The following RANGAP1 variants were observed in gnomAD, a reference collection of about 807,000 sequenced individuals.
RANGAP1 encodes the protein ran GTPase-activating protein 1.
A neutral mutation model predicts 63.5 loss-of-function variants in RANGAP1; 38 were observed. That is an observed-to-expected ratio of 0.60 (90% confidence interval 0.46 to 0.78). The LOEUF is 0.78. Among genes scored for constraint, RANGAP1 ranks in the 30% least tolerant of loss-of-function variants. The pLI, the probability that RANGAP1 is intolerant of heterozygous loss-of-function variation, is 0.00. For synonymous variants in RANGAP1, 329 were observed against 310.5 expected (o/e 1.06, Z -0.63); for missense variants, 630 against 740.3 (o/e 0.85, Z 1.73).
Position 41,249,894 on chromosome 22 carries a change from C to T in RANGAP1, c.1484-77G>A, listed in dbSNP as rs574227449. 26 of 1,317,022 alleles carry T rather than the reference C, an allele frequency of 2.0e-5. No individual in the cohort carries two copies. In the African/African-American group the frequency reaches 3.3e-4, roughly 17 times the overall value. The allele number at this position is 1,317,022 out of a possible 1,614,324, so 81.6% of individuals were successfully genotyped here. A position where few individuals can be genotyped will look rare whatever the true frequency, so the allele number is the denominator to read the frequency against. On this transcript the variant is annotated intron_variant, in intron 13 of 15. Transcript: ENST00000356244. ...GCCAAGGCACCCAGGGTTCCCCCAA[C>T]ACCGCGCAGACACAGGCTCGCCTGC... is the stretch of plus-strand genomic sequence containing the variant.
In RANGAP1 at chr22:41,249,395, G is replaced by A; in HGVS notation, c.1629C>T (p.Asn543=). ...GGAAATAGTCCTGCTGCACCATGTG[G>A]TTCAGCGCCATCAGGGGGCCGTACA... ...ANLYGPLMAL[N]HMVQQDYFPK... is the part of the protein sequence containing the mutation. Residue 543 remains asparagine (N), a synonymous_variant, in exon 15 of 16, where the codon AAC becomes AAT. Coordinates refer to ENST00000356244, the MANE Select transcript of RANGAP1 (RefSeq NM_002883.4). 6.2e-7 allele frequency: 1 copy of A among 1,614,144 alleles called. No individual in the cohort carries two copies. Among genetic ancestry groups the A allele is most frequent in the Non-Finnish European group, 8.5e-7 (1 of 1,180,008 alleles).
At chr22:41,258,228 G>T in intron 6 of RANGAP1, 122 bp from the exon 7 acceptor site, 1 of 1,141,362 alleles carries the variant, frequency 8.8e-7, no homozygotes, top group Non-Finnish European at 1.2e-6. Context: ...GCAGGGGCCT[G>T]TCTGTGGGAT....
the RANGAP1 span, among the ~76,000 whole-genome samples, chr22:41,292,155 CA>C: frequency 0.023 from 3,433 of 151,410 alleles, 54 homozygotes; most frequent in South Asian, 0.035. Flanking sequence ...AATATTAAAA[CA>C]TTTTTTTTGA....
At chr22:41,299,384 G>A in the RANGAP1 span, among the ~76,000 whole-genome samples, 5 of 151,784 alleles carry the variant, frequency 3.3e-5, no homozygotes, top group Non-Finnish European at 7.4e-5. Flanking sequence ...CACCCGCCTC[G>A]GCCTCCCAAA....
In RANGAP1 at chr22:41,245,597, A is replaced by T. The variant is rs1037942209; in HGVS notation, c.*1006T>A. On this transcript the variant is annotated 3_prime_UTR_variant, in exon 16 of 16. Transcript: ENST00000356244. ...CCGAGACTATCCCGCTTTCAGTGAG[A>T]GTTTCTGAGTCTCTGAAGCTGCCAC... 1.3e-5 allele frequency: 2 copies of T among 152,022 alleles called. No individual in the cohort carries two copies. The highest frequency in any genetic ancestry group is 6.5e-5 in the Admixed American group (1 of 15,278). The allele number at this position is 152,022 out of a possible 1,614,324, so 9.4% of individuals were successfully genotyped here. A position where few individuals can be genotyped will look rare whatever the true frequency, so the allele number is the denominator to read the frequency against.
intron 5 of RANGAP1, among the ~76,000 whole-genome samples, chr22:41,262,505 G>A (rs1026126721): frequency 6.6e-6 from 1 of 152,224 alleles, no homozygotes; most frequent in African/African-American, 2.4e-5. Context: ...TGAGAGATGA[G>A]TGAATTGGCC....
chr22:41,269,311 G>C (rs2034658433), intron 3 of RANGAP1, among the ~76,000 whole-genome samples: 1 of 152,200 alleles, frequency 6.6e-6, no homozygotes, highest in African/African-American at 2.4e-5. Context: ...GGCCTGGAAG[G>C]TTAGAGGGAG....
rs1232063392 is a variant in RANGAP1, at chr22:41,254,398, C to T, written c.1170G>A (p.Glu390=). Residue 390 remains glutamate, a synonymous_variant, in exon 11 of 16, where the codon GAG becomes GAA. Coordinates refer to ENST00000356244, the MANE Select transcript of RANGAP1 (RefSeq NM_002883.4). Reference sequence around the variant, plus strand: ...GAGGCTCTTCTTCCTCCTCCTCCTCCTCTTCTTCCTCCTCTTCCTCATCTT... The same window carrying T: ...GAGGCTCTTCTTCCTCCTCCTCCTCTTCTTCTTCCTCCTCTTCCTCATCTT... ...EEEDEEEEEE[E]EEEEEEEPQQ... The T allele has an allele frequency of 4.4e-6, 7 of 1,607,534 alleles. No individual in the cohort carries two copies. The highest frequency in any genetic ancestry group is 2.2e-5 in the South Asian group (2 of 90,756).
In RANGAP1 at chr22:41,256,120, G is replaced by C; in HGVS notation, c.989-15C>G. The C allele has an allele frequency of 1.9e-6, 3 of 1,614,078 alleles. No individual in the cohort carries two copies. The highest frequency in any genetic ancestry group is 2.5e-6 in the Non-Finnish European group (3 of 1,179,994). Reference sequence around the variant, plus strand: ...CAGGGTGTTGCCTGCTCAAGGGGAGGGAAGAGCAGTCAGCCGGGGTGCCAG... The same window carrying C: ...CAGGGTGTTGCCTGCTCAAGGGGAGCGAAGAGCAGTCAGCCGGGGTGCCAG... On this transcript the variant is annotated splice_polypyrimidine_tract_variant and intron_variant, in intron 9 of 15. Transcript: ENST00000356244.
chr22:41,268,193 G>A (rs572691108), intron 3 of RANGAP1, 37 bp from the exon 4 acceptor site: 2 of 1,470,660 alleles, frequency 1.4e-6, no homozygotes, highest in Non-Finnish European at 1.9e-6. Flanking sequence ...GCGGGAGAGA[G>A]ACCCCTGGAG....
intron 6 of RANGAP1, among the ~76,000 whole-genome samples, chr22:41,259,395 G>A (rs1214588200): frequency 2.0e-5 from 3 of 152,072 alleles, no homozygotes; most frequent in Non-Finnish European, 4.4e-5. Flanking sequence ...CAGGCAGTCT[G>A]GTGAAGCCCC....
At position 41,276,362 on chromosome 22, in the gene RANGAP1, G is replaced by C. The variant is rs185956063; in HGVS notation, c.113-1635C>G. Reference sequence around the variant, plus strand: ...CCCAATTAAAAACAAAATGGGCTGGGAGTAGTGGCTCACACCTGTAATCCC... The same window carrying C: ...CCCAATTAAAAACAAAATGGGCTGGCAGTAGTGGCTCACACCTGTAATCCC... On this transcript the variant is annotated intron_variant, in intron 2 of 15. Transcript: ENST00000356244. Among the ~76,000 whole-genome samples the C allele has an allele frequency of 5.0e-4, 76 of 152,312 alleles. 1 individual carries two copies. The highest frequency in any genetic ancestry group is 6.8e-3 in the Middle Eastern group (2 of 294).
chr22:41,301,386 G>A, the RANGAP1 span: 3 of 152,172 alleles, frequency 2.0e-5, no homozygotes, highest in African/African-American at 7.2e-5. Flanking sequence ...ATGAGCTTTC[G>A]ACGGGGAATG....
Position 41,246,390 on chromosome 22 carries a change from AC to A in RANGAP1, c.*212del, listed in dbSNP as rs1261066765. 5 of 527,622 alleles carry A rather than the reference AC, an allele frequency of 9.5e-6. No individual in the cohort carries two copies. The African/African-American group carries it at 9.6e-5, about 10-fold the overall frequency. The allele number at this position is 527,622 out of a possible 1,614,324, so 32.7% of individuals were successfully genotyped here. A position where few individuals can be genotyped will look rare whatever the true frequency, so the allele number is the denominator to read the frequency against. ...CAGAGCAGGGCTGGGCCAGCAGAAGACGTTAAAACCCAAATCCCGACAGGAG... is the reference window on the plus strand; with the variant it reads ...CAGAGCAGGGCTGGGCCAGCAGAAGAGTTAAAACCCAAATCCCGACAGGAG... On this transcript the variant is annotated 3_prime_UTR_variant, in exon 16 of 16. Coordinates refer to ENST00000356244, the MANE Select transcript of RANGAP1 (RefSeq NM_002883.4).
At chr22:41,270,574 A>C (rs905026637) in intron 3 of RANGAP1, among the ~76,000 whole-genome samples, 7 of 152,168 alleles carry the variant, frequency 4.6e-5, no homozygotes, top group African/African-American at 1.7e-4. Flanking sequence ...CAACCTCCCA[A>C]GTAGCTGGGA....
At chr22:41,285,493 G>A in intron 1 of RANGAP1, 2 of 985,150 alleles carry the variant, frequency 2.0e-6, no homozygotes, top group Non-Finnish European at 1.2e-6. Flanking sequence ...CAACGTCAGA[G>A]ACTTTCTGAG....
At chr22:41,292,796 T>A in the RANGAP1 span, among the ~76,000 whole-genome samples, 1 of 151,990 alleles carries the variant, frequency 6.6e-6, no homozygotes, top group African/African-American at 2.4e-5. Flanking sequence ...GGAAACAATT[T>A]TTTTTTTCTT....
Position 41,264,845 on chromosome 22 carries a change from T to G in RANGAP1, c.301-2A>C. 1 of 1,595,706 alleles carries G rather than the reference T, an allele frequency of 6.3e-7. No homozygotes were observed. Among genetic ancestry groups the G allele is most frequent in the Non-Finnish European group, 8.6e-7 (1 of 1,164,820 alleles). On this transcript the variant is annotated splice_acceptor_variant, in intron 4 of 15. Transcript: ENST00000356244. LOFTEE classifies it high-confidence loss of function. Reference sequence around the variant, plus strand: ...GATGAGTCCTTCCCCTAGTGAGATCTGGGCACAGAGGAAGCTCGTGTCAGT... The same window carrying G: ...GATGAGTCCTTCCCCTAGTGAGATCGGGGCACAGAGGAAGCTCGTGTCAGT...
At chr22:41,251,143 C>G in intron 12 of RANGAP1, 34 bp from the exon 13 acceptor site, 1 of 1,574,280 alleles carries the variant, frequency 6.4e-7, no homozygotes, top group Non-Finnish European at 8.7e-7. Context: ...TGGCCTGTGG[C>G]ACGTGGTGGA....
Sources: gnomAD v4.1 joint callset for allele counts (sites outside exome capture counted in the v4.1 genomes callset) on GRCh38, gnomAD v4.1.1 for gene constraint, MANE v1.5 for transcripts, NCBI Gene and HGNC (gene_info 2026-07-23, HGNC 2026-07-21) for gene names.